The following CSMD3 variants were observed in gnomAD, a reference collection of about 807,000 sequenced individuals.
CSMD3 encodes CUB and sushi domain-containing protein 3.
In CSMD3, 177 loss-of-function variants were observed where a neutral mutation model predicts 435.2. The observed-to-expected ratio is 0.41, with a 90% CI of 0.36 to 0.46. CSMD3 has a LOEUF of 0.46. CSMD3 is among the 20% of genes least tolerant of loss of function. The probability of loss-of-function intolerance (pLI) is 0.34; values close to 1 mark genes in which losing one functional copy is unlikely to be tolerated. For missense variants in CSMD3, 4,265 were observed against 4,504.6 expected (o/e 0.95, Z 1.52); for synonymous variants, 1,656 against 1,520.5 (o/e 1.09, Z -2.07).
At position 113,103,874 on chromosome 8, in the gene CSMD3, T is replaced by C. The variant is rs189005114; in HGVS notation, c.710-4911A>G. Among the ~76,000 whole-genome samples, 544 of 152,230 alleles carry C rather than the reference T, an allele frequency of 3.6e-3. 3 individuals are homozygous for C. The highest frequency in any genetic ancestry group is 0.012 in the African/African-American group (508 of 41,564). ...GTTCACTATGATTTCACAAATGTAC[T>C]TTTTCCTAAAATTAAATTTTTATTT... On this transcript the variant is annotated intron_variant, in intron 4 of 70. Transcript: ENST00000297405.
At chr8:113,124,361 C>T (rs1030391354) in intron 4 of CSMD3, among the ~76,000 whole-genome samples, 9 of 151,678 alleles carry the variant, frequency 5.9e-5, no homozygotes, top group Non-Finnish European at 2.9e-5. Flanking sequence ...AACTATTTTT[C>T]GGCATCAAAA....
At chr8:112,702,932 T>C (rs1266555623) in intron 13 of CSMD3, among the ~76,000 whole-genome samples, 2 of 152,098 alleles carry the variant, frequency 1.3e-5, no homozygotes, top group East Asian at 3.9e-4. Context: ...TTTGTTAGTT[T>C]CCTTAAGCTC....
At chr8:112,365,651 G>A (rs1827716357) in intron 38 of CSMD3, among the ~76,000 whole-genome samples, 1 of 151,994 alleles carries the variant, frequency 6.6e-6, no homozygotes, top group South Asian at 2.1e-4. Context: ...TTATGGTGAG[G>A]TTTGGGTGGA....
chr8:112,494,390 T>C (rs1363606955), intron 30 of CSMD3, among the ~76,000 whole-genome samples: 3 of 149,894 alleles, frequency 2.0e-5, no homozygotes, highest in Non-Finnish European at 4.5e-5. Flanking sequence ...GACCCTACTA[T>C]TTTCTTTTTC....
intron 13 of CSMD3, among the ~76,000 whole-genome samples, chr8:112,739,357 T>C (rs1051562197): frequency 1.3e-5 from 2 of 151,722 alleles, no homozygotes; most frequent in Non-Finnish European, 3.0e-5. Context: ...TTCATCCCAT[T>C]ACAGTCATGG....
At chr8:112,614,573 C>G (rs1003355178) in intron 22 of CSMD3, among the ~76,000 whole-genome samples, 2 of 152,022 alleles carry the variant, frequency 1.3e-5, no homozygotes, top group Non-Finnish European at 2.9e-5. Flanking sequence ...CAGTAACAAA[C>G]CACTTCAGGA....
At chr8:113,315,893 A>G (rs1268108338) in intron 1 of CSMD3, among the ~76,000 whole-genome samples, 1 of 151,592 alleles carries the variant, frequency 6.6e-6, no homozygotes, top group African/African-American at 2.4e-5. Context: ...TAATTTTTGT[A>G]TTTGTAGTTG....
Position 112,237,236 on chromosome 8 carries a change from T to C in CSMD3, c.10581A>G (p.Arg3527=). 1 of 1,613,614 alleles carries C rather than the reference T, an allele frequency of 6.2e-7. No homozygotes were observed. The highest frequency in any genetic ancestry group is 8.5e-7 in the Non-Finnish European group (1 of 1,179,632). The change falls in exon 67 of 71, where the codon AGA becomes AGG. Residue 3527 remains arginine (R), a synonymous_variant. Transcript: ENST00000297405. ...TGCTATTGCTCAGTGTTGCGTTAAC[T>C]CTCCCAGTGGAAGCATTGAAACTAG... ...TVTSFNASTG[R]VNATLSNSNM... is the part of the protein sequence containing the mutation.
Position 112,295,970 on chromosome 8 carries a change from C to A in CSMD3, c.8477G>T (p.Gly2826Val), listed in dbSNP as rs890967106. ...TCCATAATTTTCTCCAATGACTTGA[C>A]CATTCACAATCAGTTCTGGAATTCC... ...HCGIPELIVNGQVIGENYGYR... is the reference protein window; with the variant it reads ...HCGIPELIVNVQVIGENYGYR... The change falls in exon 54 of 71, where the codon GGT becomes GTT. Residue 2826 changes from glycine to valine, a missense_variant. Physicochemically the swap from Gly to Val is moderately radical, Grantham distance 109. This residue lies in a region of CSMD3 where 3,255 missense variants were observed against 3,380.2 expected (regional missense o/e 0.96). Coordinates refer to ENST00000297405, the MANE Select transcript of CSMD3 (RefSeq NM_198123.2). The A allele has an allele frequency of 3.7e-6, 6 of 1,613,266 alleles. No homozygotes were observed. Among genetic ancestry groups the A allele is most frequent in the Non-Finnish European group, 5.1e-6 (6 of 1,179,486 alleles).
intron 4 of CSMD3, among the ~76,000 whole-genome samples, chr8:113,145,519 T>C (rs559643650): frequency 6.6e-6 from 1 of 151,604 alleles, no homozygotes; most frequent in Non-Finnish European, 1.5e-5. Flanking sequence ...CTATTTGTCA[T>C]GTATCATAAT....
intron 32 of CSMD3, among the ~76,000 whole-genome samples, chr8:112,439,939 C>T (rs1349190862): frequency 6.6e-6 from 1 of 151,982 alleles, no homozygotes; most frequent in Non-Finnish European, 1.5e-5. Context: ...CAAAGCCAGA[C>T]CATATCATTC....
At chr8:113,194,787 G>A (rs185885778) in intron 3 of CSMD3, among the ~76,000 whole-genome samples, 198 of 151,160 alleles carry the variant, frequency 1.3e-3, no homozygotes, top group Middle Eastern at 6.8e-3. Flanking sequence ...ATTTTAATAG[G>A]CCTCCATAAT....
At chr8:112,492,414 A>G in intron 31 of CSMD3, 75 bp downstream of exon 31, 1 of 1,173,364 alleles carries the variant, frequency 8.5e-7, no homozygotes. Flanking sequence ...TGATGTTCTG[A>G]AACACAGAAA....
At chr8:113,140,292 T>A (rs1033884100) in intron 4 of CSMD3, among the ~76,000 whole-genome samples, 1 of 150,798 alleles carries the variant, frequency 6.6e-6, no homozygotes. Context: ...GAAAAATTTT[T>A]AAAAAACACA....
chr8:113,256,122 G>A (rs186646275), intron 3 of CSMD3, among the ~76,000 whole-genome samples: 42 of 151,818 alleles, frequency 2.8e-4, no homozygotes, highest in Non-Finnish European at 5.4e-4. Context: ...TTCATGAGAA[G>A]CAACAGCAGA....
chr8:113,108,551 G>T (rs2090549798), intron 4 of CSMD3, among the ~76,000 whole-genome samples: 1 of 152,064 alleles, frequency 6.6e-6, no homozygotes, highest in South Asian at 2.1e-4. Context: ...TCAAGAAAGG[G>T]CAACATAACT....
intron 10 of CSMD3, among the ~76,000 whole-genome samples, chr8:112,904,418 C>T (rs1380139): frequency 0.86 from 129,963 of 151,334 alleles, 56,126 homozygotes; most frequent in African/African-American, 0.94. Context: ...TGATTTAAAA[C>T]AAATAAATAC....
intron 4 of CSMD3, among the ~76,000 whole-genome samples, chr8:113,119,997 C>A (rs1218415093): frequency 6.6e-6 from 1 of 151,836 alleles, no homozygotes; most frequent in Non-Finnish European, 1.5e-5. Context: ...TATTCATACT[C>A]ATTACACAAA....
intron 4 of CSMD3, among the ~76,000 whole-genome samples, chr8:113,151,445 T>A (rs1456096255): frequency 6.6e-6 from 1 of 151,628 alleles, no homozygotes; most frequent in African/African-American, 2.4e-5. Flanking sequence ...CAGCACTGTA[T>A]TAAATAATAA....
Sources: allele counts gnomAD v4.1 joint callset (sites outside exome capture counted in the v4.1 genomes callset), GRCh38; gene constraint gnomAD v4.1.1; regional missense constraint gnomAD v4.1.1; transcripts MANE v1.5; gene names NCBI Gene and HGNC (gene_info 2026-07-23, HGNC 2026-07-21).